The following RUFY2 variants were observed in gnomAD, a reference collection of about 807,000 sequenced individuals.
The protein encoded by RUFY2 is RUN and FYVE domain containing 2.
Under a neutral mutation model 94.4 loss-of-function variants are expected in RUFY2, and 49 were observed. The ratio of observed to expected loss-of-function variants is 0.52; its 90% confidence interval spans 0.41 to 0.66. RUFY2 has a LOEUF of 0.66. Ranked by LOEUF, RUFY2 falls within the 30% of genes least tolerant of loss-of-function variation. RUFY2 has a pLI of 0.00. For missense variants in RUFY2, 541 were observed against 692.8 expected, an observed-to-expected ratio of 0.78 and a Z score of 2.46; for synonymous variants, 255 against 235.7, an observed-to-expected ratio of 1.08 and a Z score of -0.75.
chr10:68,367,575 T>C (rs1458457401), intron 13 of RUFY2, among the ~76,000 whole-genome samples: 4 of 152,274 alleles, frequency 2.6e-5, no homozygotes, highest in Middle Eastern at 3.4e-3. Flanking sequence ...TTGCTTCATC[T>C]TGCCGAGCAG....
chr10:68,378,964 A>T (rs997042525), intron 12 of RUFY2, among the ~76,000 whole-genome samples: 2 of 152,242 alleles, frequency 1.3e-5, no homozygotes, highest in African/African-American at 4.8e-5. Context: ...AAACAAAATT[A>T]TATCCTCGGT....
intron 8 of RUFY2, among the ~76,000 whole-genome samples, chr10:68,384,886 C>G (rs746332899): frequency 6.6e-6 from 1 of 152,108 alleles, no homozygotes; most frequent in Non-Finnish European, 1.5e-5. Flanking sequence ...ATAATGGTCC[C>G]GATCAGGAGC....
At chr10:68,362,989 T>C (rs965329716) in intron 15 of RUFY2, among the ~76,000 whole-genome samples, 4 of 152,208 alleles carry the variant, frequency 2.6e-5, no homozygotes, top group African/African-American at 9.6e-5. Context: ...TTTTGAAAAT[T>C]CAGCTTCTGT....
chr10:68,368,385 T>G (rs562484444), intron 13 of RUFY2, among the ~76,000 whole-genome samples: 89 of 143,868 alleles, frequency 6.2e-4, no homozygotes, highest in African/African-American at 2.2e-3. Context: ...AAATTACAGG[T>G]GCAGTGGCTC....
chr10:68,353,790 C>A (rs1376003949), intron 16 of RUFY2, among the ~76,000 whole-genome samples: 2 of 151,628 alleles, frequency 1.3e-5, no homozygotes, highest in Non-Finnish European at 2.9e-5. Context: ...CACAGCAAGA[C>A]CCCATCTCAA....
chr10:68,359,007 G>GC (rs1554878447), intron 15 of RUFY2, among the ~76,000 whole-genome samples: 1 of 152,084 alleles, frequency 6.6e-6, no homozygotes, highest in Non-Finnish European at 1.5e-5. Flanking sequence ...AAAAAAGACG[G>GC]CCTCTCTATG....
rs530304798 is a variant in RUFY2 at position 68,401,863 on chromosome 10, C to T, written c.179-126G>A. Reference sequence around the variant, plus strand: ...TATTCAGAGATCTTTCCTCTTTTATCCACTACATATCCCAGTGGATCTGGA... The same window carrying T: ...TATTCAGAGATCTTTCCTCTTTTATTCACTACATATCCCAGTGGATCTGGA... On this transcript the variant is annotated intron_variant, in intron 2 of 17. Transcript: ENST00000602465. The T allele has an allele frequency of 1.2e-4, 78 of 658,372 alleles. No individual in the cohort carries two copies. In the African/African-American group the frequency reaches 1.3e-3, roughly 11 times the overall value. The allele number at this position is 658,372 out of a possible 1,614,324, so 40.8% of individuals were successfully genotyped here. A position where few individuals can be genotyped will look rare whatever the true frequency, so the allele number is the denominator to read the frequency against.
intron 3 of RUFY2, among the ~76,000 whole-genome samples, chr10:68,398,382 T>G (rs1413760716): frequency 6.6e-6 from 1 of 152,172 alleles, no homozygotes; most frequent in Non-Finnish European, 1.5e-5. Context: ...CCTGGCGTGG[T>G]GGCTCACGCC....
chr10:68,365,566 G>A (rs1458949330), intron 13 of RUFY2, among the ~76,000 whole-genome samples: 1 of 152,184 alleles, frequency 6.6e-6, no homozygotes, highest in Non-Finnish European at 1.5e-5. Flanking sequence ...AGCCTGAACT[G>A]TAAAATTGGG....
At chr10:68,399,256 G>C (rs938934434) in intron 3 of RUFY2, among the ~76,000 whole-genome samples, 2 of 151,782 alleles carry the variant, frequency 1.3e-5, no homozygotes, top group Admixed American at 1.3e-4. Context: ...ATGTTGCCCA[G>C]GCTGGTCTCG....
intron 16 of RUFY2, among the ~76,000 whole-genome samples, chr10:68,351,659 A>C (rs2046685850): frequency 6.7e-6 from 1 of 150,348 alleles, no homozygotes; most frequent in African/African-American, 2.4e-5. Flanking sequence ...CATGTTGCCC[A>C]GGATGGACTC....
At chr10:68,382,050 C>CT (rs1195609174) in intron 10 of RUFY2, among the ~76,000 whole-genome samples, 454 of 139,122 alleles carry the variant, frequency 3.3e-3, no homozygotes, top group African/African-American at 5.4e-3. Flanking sequence ...GTTTAATTTC[C>CT]TTTTTTTTTT....
At position 68,355,342 on chromosome 10, in the gene RUFY2, G is replaced by A. The variant is rs755369669; in HGVS notation, c.1599+11C>T. Reference sequence around the variant, plus strand: ...ACATACCTTCCCACTTTAGGAAAACGTTCTACTCACCTGCAATGCTTTGTT... The same window carrying A: ...ACATACCTTCCCACTTTAGGAAAACATTCTACTCACCTGCAATGCTTTGTT... On this transcript the variant is annotated intron_variant, in intron 16 of 17. Transcript: ENST00000602465. 8.1e-6 allele frequency: 13 copies of A among 1,602,288 alleles called. No homozygotes were observed. The highest frequency in any genetic ancestry group is 6.6e-5 in the South Asian group (6 of 90,448).
chr10:68,347,266 GACA>G (rs2046345627), intron 16 of RUFY2, among the ~76,000 whole-genome samples: 1 of 144,460 alleles, frequency 6.9e-6, no homozygotes, highest in African/African-American at 2.5e-5. Flanking sequence ...CAGTATTTAT[GACA>G]ACTTGACCCT....
rs879849864 is a variant in RUFY2 at position 68,375,775 on chromosome 10, C to CA, written c.1325+1077dup. Among the ~76,000 whole-genome samples, 464 of 124,686 alleles carry CA rather than the reference C, an allele frequency of 3.7e-3. 3 individuals carry two copies. Among genetic ancestry groups the CA allele is most frequent in the East Asian group, 9.3e-3 (41 of 4,414 alleles). 81.8% of individuals were successfully genotyped at this position (124,686 alleles called of 152,430 possible). The stretch of plus-strand genomic sequence containing the variant: ...CAGGCGATAGAGCGAGACTCCATCT[C>CA]AAAAAAAAAAAAAAATCAGACACAA... On this transcript the variant is annotated intron_variant, in intron 13 of 17. Transcript: ENST00000602465.
intron 10 of RUFY2, 96 bp downstream of exon 10, chr10:68,383,702 A>G (rs935417485): frequency 1.1e-6 from 1 of 880,910 alleles, no homozygotes; most frequent in African/African-American, 1.7e-5. Flanking sequence ...TACCACACCA[A>G]AAAGGATAAG....
chr10:68,343,365 C>A (rs574589088), downstream of RUFY2: 2 of 152,554 alleles, frequency 1.3e-5, no homozygotes, highest in East Asian at 3.9e-4. Flanking sequence ...GTATCCACTT[C>A]CTTTAATGAG....
At chr10:68,377,098 G>C (rs948227324) in intron 12 of RUFY2, 126 bp from the exon 13 acceptor site, 1 of 1,514,794 alleles carries the variant, frequency 6.6e-7, no homozygotes, top group Non-Finnish European at 8.8e-7. Flanking sequence ...AAGTTTGGGG[G>C]AAAACTCACA....
intron 13 of RUFY2, among the ~76,000 whole-genome samples, chr10:68,374,699 T>C (rs1015180687): frequency 6.6e-6 from 1 of 152,218 alleles, no homozygotes; most frequent in African/African-American, 2.4e-5. Flanking sequence ...ATACATGGCA[T>C]GTGGTCTTGT....
Sources: allele counts gnomAD v4.1 joint callset (sites outside exome capture counted in the v4.1 genomes callset), GRCh38; gene constraint gnomAD v4.1.1; transcripts MANE v1.5; gene names NCBI Gene and HGNC (gene_info 2026-07-23, HGNC 2026-07-21).